COBL: variants seen among roughly 807,000 people sequenced by gnomAD.
COBL encodes cordon-bleu WH2 repeat protein.
In COBL, 51 loss-of-function variants were observed where a neutral mutation model predicts 98.8. That is an observed-to-expected ratio of 0.52 (90% CI 0.41 to 0.65). The LOEUF is 0.65. Among genes scored for constraint, COBL ranks in the 30% least tolerant of loss-of-function variants. COBL has a pLI of 0.00. For missense variants in COBL, 1,617 were observed against 1,617.5 expected (o/e 1.00, Z 0.01); for synonymous variants, 634 against 651.7 (o/e 0.97, Z 0.41).
chr7:51,099,064 C>T (rs1326944627), intron 6 of COBL, among the ~76,000 whole-genome samples: 2 of 148,936 alleles, frequency 1.3e-5, no homozygotes, highest in Admixed American at 6.7e-5. Context: ...TAAGATATCA[C>T]CTCACTTCCA....
intron 7 of COBL, among the ~76,000 whole-genome samples, chr7:51,067,950 C>CCCTCACT (rs1252753107): frequency 1.3e-5 from 2 of 152,190 alleles, no homozygotes; most frequent in Non-Finnish European, 2.9e-5. Flanking sequence ...CTGGCAGAGA[C>CCCTCACT]GGAGTGAGGG....
At chr7:51,101,808 C>A (rs1403418851) in intron 6 of COBL, among the ~76,000 whole-genome samples, 1 of 152,184 alleles carries the variant, frequency 6.6e-6, no homozygotes, top group African/African-American at 2.4e-5. Context: ...CCAAAGCATG[C>A]AGCTAGCCCT....
intron 5 of COBL, among the ~76,000 whole-genome samples, chr7:51,153,191 C>A (rs1197018241): frequency 6.6e-6 from 1 of 152,114 alleles, no homozygotes; most frequent in Non-Finnish European, 1.5e-5. Context: ...AAAAAAGATA[C>A]TTTTTTATTA....
intron 7 of COBL, chr7:51,070,799 G>T (rs140655630): frequency 2.2e-4 from 33 of 152,310 alleles, no homozygotes; most frequent in Admixed American, 2.0e-3. Flanking sequence ...AAATGTCAGT[G>T]AGTAAACAGT....
intron 2 of COBL, among the ~76,000 whole-genome samples, chr7:51,201,112 C>A (rs545494606): frequency 6.6e-6 from 1 of 151,554 alleles, no homozygotes; most frequent in Non-Finnish European, 1.5e-5. Flanking sequence ...TGGTGGTGGG[C>A]GCCTTTAATC....
intron 7 of COBL, among the ~76,000 whole-genome samples, chr7:51,070,212 A>G (rs1199091148): frequency 6.6e-6 from 1 of 152,182 alleles, no homozygotes; most frequent in Admixed American, 6.5e-5. Context: ...AAGCAAAGAA[A>G]CCAAAAATAT....
At chr7:51,203,478 A>C (rs1353787061) in intron 2 of COBL, among the ~76,000 whole-genome samples, 1 of 150,816 alleles carries the variant, frequency 6.6e-6, no homozygotes, top group African/African-American at 2.4e-5. Flanking sequence ...AAAAAAAAAA[A>C]AAAAAAACTC....
intron 1 of COBL, among the ~76,000 whole-genome samples, chr7:51,265,245 C>A (rs1476895353): frequency 6.6e-6 from 1 of 152,230 alleles, no homozygotes; most frequent in Non-Finnish European, 1.5e-5. Flanking sequence ...TCTGCATCCA[C>A]ACCTGCTTTT....
chr7:51,270,133 G>A (rs1303992169), intron 1 of COBL, among the ~76,000 whole-genome samples: 1 of 152,220 alleles, frequency 6.6e-6, no homozygotes, highest in Non-Finnish European at 1.5e-5. Flanking sequence ...ACCTGTGACA[G>A]GAGCTGAATC....
chr7:51,136,082 T>C, intron 6 of COBL, 76 bp downstream of exon 6: 1 of 1,526,872 alleles, frequency 6.5e-7, no homozygotes, highest in Non-Finnish European at 8.8e-7. Flanking sequence ...GATTACTGTG[T>C]TCCCAGGGAG....
At chr7:51,209,870 C>T (rs1033228088) in intron 2 of COBL, among the ~76,000 whole-genome samples, 4 of 152,120 alleles carry the variant, frequency 2.6e-5, no homozygotes, top group South Asian at 2.1e-4. Flanking sequence ...AAAAATTACA[C>T]GAATGCAACT....
chr7:51,087,948 GA>G (rs1285027614), intron 6 of COBL, among the ~76,000 whole-genome samples: 2 of 152,018 alleles, frequency 1.3e-5, no homozygotes, highest in African/African-American at 4.8e-5. Flanking sequence ...AACCTAGGAT[GA>G]AAAGAATTGT....
intron 2 of COBL, among the ~76,000 whole-genome samples, chr7:51,198,873 G>A (rs1389636917): frequency 1.3e-5 from 2 of 152,208 alleles, no homozygotes; most frequent in Non-Finnish European, 2.9e-5. Flanking sequence ...GATCCAGATA[G>A]GAGGTTGTGA....
intron 5 of COBL, among the ~76,000 whole-genome samples, chr7:51,143,098 G>A (rs1390921970): frequency 1.3e-5 from 2 of 152,200 alleles, no homozygotes; most frequent in Non-Finnish European, 2.9e-5. Context: ...AAGTCATAAT[G>A]TGCAGCATAG....
chr7:51,065,521 A>G (rs1188797447), intron 7 of COBL: 10 of 639,400 alleles, frequency 1.6e-5, no homozygotes, highest in Non-Finnish European at 2.8e-5. Context: ...GTTCACATAC[A>G]GTGTTGGGCT....
In COBL at chr7:51,130,029, A is replaced by G. The variant is rs182948794; in HGVS notation, c.957+6129T>C. ...GGGAGTGCAGGTGGGAGCAAAGGGA[A>G]ATGGCTGGATTCTGGATACACTTCA... is the stretch of plus-strand genomic sequence containing the variant. On this transcript the variant is annotated intron_variant, in intron 6 of 12. Transcript: ENST00000265136. Among the ~76,000 whole-genome samples the G allele has an allele frequency of 1.2e-3, 186 of 152,234 alleles. 1 individual carries two copies. The highest frequency in any genetic ancestry group is 4.4e-3 in the African/African-American group (181 of 41,546).
At chr7:51,129,051 T>C (rs1249366956) in intron 6 of COBL, among the ~76,000 whole-genome samples, 1 of 152,244 alleles carries the variant, frequency 6.6e-6, no homozygotes, top group African/African-American at 2.4e-5. Flanking sequence ...GACTTATTCC[T>C]TAAATTCTGT....
At chr7:51,311,638 G>A (rs1214485614) in intron 1 of COBL, among the ~76,000 whole-genome samples, 2 of 152,154 alleles carry the variant, frequency 1.3e-5, no homozygotes, top group African/African-American at 2.4e-5. Context: ...CAATTCAGAA[G>A]CAGAAAGCCA....
intron 6 of COBL, among the ~76,000 whole-genome samples, chr7:51,100,364 G>A (rs1795701633): frequency 6.6e-6 from 1 of 152,198 alleles, no homozygotes; most frequent in Non-Finnish European, 1.5e-5. Context: ...ACCTCAAGCT[G>A]TTCAAAGTCT....
Sources: allele counts gnomAD v4.1 joint callset (sites outside exome capture counted in the v4.1 genomes callset), GRCh38; gene constraint gnomAD v4.1.1; transcripts MANE v1.5; gene names NCBI Gene and HGNC (gene_info 2026-07-23, HGNC 2026-07-21).